BRME1: variants seen among roughly 807,000 people sequenced by gnomAD.
The protein encoded by BRME1 is BRCA2 and MEILB2-associating protein 1.
Under a neutral mutation model 52.6 loss-of-function variants are expected in BRME1, and 31 were observed. The observed-to-expected ratio is 0.59, with a 90% CI of 0.44 to 0.80. The LOEUF is 0.80. Ranked by LOEUF, BRME1 falls within the 30% of genes least tolerant of loss-of-function variation. The pLI is 0.00. For synonymous variants in BRME1, 359 were observed against 353.6 expected (o/e 1.02, Z -0.17); for missense variants, 804 against 860.3 (o/e 0.93, Z 0.82).
At chr19:13,903,909 G>A (rs1970466485) in intron 2 of BRME1, among the ~76,000 whole-genome samples, 4 of 152,008 alleles carry the variant, frequency 2.6e-5, no homozygotes, top group Admixed American at 6.6e-5. Flanking sequence ...GCCACATACC[G>A]AGTGGCCTTG....
chr19:13,887,270 A>T (rs1387167919), intron 6 of BRME1, among the ~76,000 whole-genome samples: 3 of 152,148 alleles, frequency 2.0e-5, no homozygotes, highest in Non-Finnish European at 4.4e-5. Context: ...GCCACCCGGA[A>T]CCTTCCCACG....
chr19:13,896,010 C>G (rs1969861193), intron 2 of BRME1, among the ~76,000 whole-genome samples: 1 of 152,230 alleles, frequency 6.6e-6, no homozygotes, highest in Non-Finnish European at 1.5e-5. Flanking sequence ...TGGCTCACGC[C>G]TATAATCCCA....
At chr19:13,901,268 A>C (rs1970275399) in intron 2 of BRME1, among the ~76,000 whole-genome samples, 1 of 152,040 alleles carries the variant, frequency 6.6e-6, no homozygotes, top group Admixed American at 6.6e-5. Flanking sequence ...CGTACCACCA[A>C]GCCTGGCTAT....
At chr19:13,894,651 G>C (rs933467582) in intron 3 of BRME1, among the ~76,000 whole-genome samples, 8 of 152,152 alleles carry the variant, frequency 5.3e-5, no homozygotes, top group Non-Finnish European at 1.2e-4. Context: ...GGGCTCAAGC[G>C]ATCCTCTTGC....
intron 7 of BRME1, among the ~76,000 whole-genome samples, chr19:13,884,496 C>T (rs1206034382): frequency 1.3e-5 from 2 of 151,700 alleles, no homozygotes; most frequent in South Asian, 2.1e-4. Context: ...GGTGTGGTGG[C>T]GGGTACCTGT....
rs1460598652 is a variant in BRME1 at position 13,888,310 on chromosome 19, C to A, written c.1668+878G>T. The A allele has an allele frequency of 6.6e-6, 1 of 152,302 alleles. No individual in the cohort carries two copies. Among genetic ancestry groups the A allele is most frequent in the African/African-American group, 2.4e-5 (1 of 41,410 alleles). 9.4% of individuals were successfully genotyped at this position (152,302 alleles called of 1,614,324 possible). A position where few individuals can be genotyped will look rare whatever the true frequency, so the allele number is the denominator to read the frequency against. On this transcript the variant is annotated intron_variant, in intron 6 of 8. Coordinates refer to ENST00000586783, the MANE Select transcript of BRME1 (RefSeq NM_001345843.2). The surrounding 1 kb of genome is among the most constrained non-coding windows in gnomAD (Gnocchi z 4.1). ...GACTCTGCGTTCCAGGACGCGGCGGCTGGGGCATGACCTGGGTGCCAGCCT... is the reference window on the plus strand; with the variant it reads ...GACTCTGCGTTCCAGGACGCGGCGGATGGGGCATGACCTGGGTGCCAGCCT...
At chr19:13,891,041 C>T (rs1286529955) in intron 5 of BRME1, among the ~76,000 whole-genome samples, 1 of 152,020 alleles carries the variant, frequency 6.6e-6, no homozygotes, top group Non-Finnish European at 1.5e-5. Context: ...TCTCCTTCCA[C>T]CAAGCTCTTC....
rs759585296 is a variant in BRME1 at position 13,889,499 on chromosome 19, C to A, written c.1357G>T (p.Gly453Cys). Residue 453 changes from glycine to cysteine, a missense_variant, in exon 6 of 9, where the codon GGT becomes TGT. Transcript: ENST00000586783. ...GPCVNQKQEP[G>C]PAQEEAELGG... ...AACTCGGCTTCCTCTTGAGCAGGAC[C>A]TGGCTCCTGCTTCTGATTGACACAT... 1 of 1,613,942 alleles carries A rather than the reference C, an allele frequency of 6.2e-7. No individual in the cohort carries two copies.
chr19:13,891,139 TTA>T lies in BRME1; in HGVS notation c.394-679_394-678del, dbSNP rs1969467674. Among the ~76,000 whole-genome samples the T allele has an allele frequency of 8.2e-5, 12 of 146,254 alleles. No individual in the cohort carries two copies. In the South Asian group the frequency reaches 1.5e-3, roughly 18 times the overall value. ...CACACCAATGTCAATTTCCTGTTTA[TTA>T]TTATTATTATTATTATTATTATTAT... On this transcript the variant is annotated intron_variant, in intron 5 of 8. Transcript: ENST00000586783.
At chr19:13,885,732 G>T (rs892342495) in intron 7 of BRME1, among the ~76,000 whole-genome samples, 6 of 152,242 alleles carry the variant, frequency 3.9e-5, no homozygotes, top group African/African-American at 7.2e-5. Context: ...GAGCTTCTGG[G>T]TGGGGAGATG....
chr19:13,897,932 C>G (rs1970022045), intron 2 of BRME1, among the ~76,000 whole-genome samples: 1 of 151,534 alleles, frequency 6.6e-6, no homozygotes. Flanking sequence ...AACCCCATCT[C>G]TACTAAAAAT....
At chr19:13,901,145 T>A (rs933629361) in intron 2 of BRME1, among the ~76,000 whole-genome samples, 6 of 131,892 alleles carry the variant, frequency 4.5e-5, no homozygotes, top group African/African-American at 1.7e-4. Context: ...TTAATTAAAA[T>A]TTTTTTTTTT....
intron 2 of BRME1, among the ~76,000 whole-genome samples, chr19:13,902,694 C>T (rs544584251): frequency 6.7e-6 from 1 of 149,400 alleles, no homozygotes; most frequent in African/African-American, 2.5e-5. Flanking sequence ...CACTTTGGGA[C>T]ACCAAGACGG....
intron 2 of BRME1, among the ~76,000 whole-genome samples, chr19:13,903,529 C>G (rs935695355): frequency 1.7e-4 from 26 of 151,846 alleles, no homozygotes; most frequent in Non-Finnish European, 7.4e-5. Context: ...AAAAATTAGG[C>G]GGGCGTGGTG....
Position 13,882,857 on chromosome 19 carries a change from G to C in BRME1, c.1952C>G (p.Pro651Arg), listed in dbSNP as rs768795862. The C allele has an allele frequency of 1.5e-5, 25 of 1,613,958 alleles. No individual in the cohort carries two copies. The highest frequency in any genetic ancestry group is 2.0e-5 in the Non-Finnish European group (24 of 1,180,010). The change falls in exon 9 of 9, where the codon CCT becomes CGT. Residue 651 changes from proline (P) to arginine (R), a missense_variant. This residue lies in a region of BRME1 where 552 missense variants were observed against 561.1 expected (regional missense o/e 0.98). Transcript: ENST00000586783. ...KLGGKAPLPYPSKGPGNIPRG... is the reference protein window; with the variant it reads ...KLGGKAPLPYRSKGPGNIPRG... ...AGGGATATTCCCAGGCCCCTTGGAAGGGTAAGGCAGGGGGGCTTTGCCTCC... is the reference window on the plus strand; with the variant it reads ...AGGGATATTCCCAGGCCCCTTGGAACGGTAAGGCAGGGGGGCTTTGCCTCC...
At position 13,888,476 on chromosome 19, in the gene BRME1, G is replaced by A. The variant is rs910996318; in HGVS notation, c.1668+712C>T. On this transcript the variant is annotated intron_variant, in intron 6 of 8. Transcript: ENST00000586783. The surrounding 1 kb of genome is among the most constrained non-coding windows in gnomAD (Gnocchi z 4.1). The stretch of plus-strand genomic sequence containing the variant: ...TGATGCCCTCAGCCCAGGCTCAGGT[G>A]TGCCAACGGCTAGGGAGGTCGCTCT... The A allele has an allele frequency of 6.6e-6, 1 of 152,270 alleles. No individual in the cohort carries two copies. Among genetic ancestry groups the A allele is most frequent in the Non-Finnish European group, 1.5e-5 (1 of 68,086 alleles). 9.4% of individuals were successfully genotyped at this position (152,270 alleles called of 1,614,324 possible).
Position 13,882,472 on chromosome 19 carries a change from A to G in BRME1, c.*330T>C. The G allele has an allele frequency of 2.2e-6, 1 of 447,410 alleles. No individual in the cohort carries two copies. The highest frequency in any genetic ancestry group is 5.5e-5 in the South Asian group (1 of 18,210). The allele number at this position is 447,410 out of a possible 1,614,324, so 27.7% of individuals were successfully genotyped here. On this transcript the variant is annotated 3_prime_UTR_variant, in exon 9 of 9. Transcript: ENST00000586783. ...GAAAGAAACAAATTCTGAACCATCC[A>G]TACTTGGCTCAGGACCCTAAAATTT... is the stretch of plus-strand genomic sequence containing the variant.
Position 13,890,279 on chromosome 19 carries a change from C to G in BRME1, c.577G>C (p.Asp193His). The G allele has an allele frequency of 1.9e-6, 3 of 1,612,852 alleles. No homozygotes were observed. Among genetic ancestry groups the G allele is most frequent in the South Asian group, 2.2e-5 (2 of 90,946 alleles). ...VPGSGDSQPD[D>H]PPDRGTGLSA... ...AACCCCGTCCCCCTGTCTGGAGGGT[C>G]ATCAGGCTGAGAATCCCCACTGCCG... The change falls in exon 6 of 9, where the codon GAC becomes CAC. Residue 193 changes from aspartate to histidine, a missense_variant. Coordinates refer to ENST00000586783, the MANE Select transcript of BRME1 (RefSeq NM_001345843.2).
At chr19:13,892,912 A>T (rs776523751) in intron 4 of BRME1, 22 bp from the exon 5 acceptor site, 1 of 1,598,424 alleles carries the variant, frequency 6.3e-7, no homozygotes, top group East Asian at 2.2e-5. Flanking sequence ...ATACAAGAAC[A>T]AAGCAGCAAT....
Sources: allele counts gnomAD v4.1 joint callset (sites outside exome capture counted in the v4.1 genomes callset), GRCh38; gene constraint gnomAD v4.1.1; regional missense constraint gnomAD v4.1.1; non-coding constraint Gnocchi (gnomAD v3.1); transcripts MANE v1.5; gene names NCBI Gene and HGNC (gene_info 2026-07-23, HGNC 2026-07-21).